DUSP8: variants seen among roughly 807,000 people sequenced by gnomAD.
DUSP8 encodes dual specificity protein phosphatase 8.
Under a neutral mutation model 38.7 loss-of-function variants are expected in DUSP8, and 15 were observed. That is an observed-to-expected ratio of 0.39 (90% confidence interval 0.26 to 0.60). The LOEUF is 0.60. Ranked by LOEUF, DUSP8 falls within the 20% of genes least tolerant of loss-of-function variation. DUSP8 has a pLI of 0.56. For synonymous variants in DUSP8, 458 were observed against 433.9 expected, an observed-to-expected ratio of 1.06 and a Z score of -0.69; for missense variants, 768 against 915.0, an observed-to-expected ratio of 0.84 and a Z score of 2.07.
At chr11:1,565,049 C>T (rs1848781241) in intron 2 of DUSP8, among the ~76,000 whole-genome samples, 1 of 152,210 alleles carries the variant, frequency 6.6e-6, no homozygotes, top group South Asian at 2.1e-4. Context: ...GAAGGACATT[C>T]CTGGGGGGCC....
intron 1 of DUSP8, among the ~76,000 whole-genome samples, chr11:1,566,512 G>A (rs1848806801): frequency 1.3e-5 from 2 of 152,188 alleles, no homozygotes. Flanking sequence ...TGGAGAGTGG[G>A]CTCCCGGGGG....
Position 1,557,605 on chromosome 11 carries a change from C to T in DUSP8, c.822-31G>A. 2.0e-6 allele frequency: 3 copies of T among 1,496,938 alleles called. No individual in the cohort carries two copies. Among genetic ancestry groups the T allele is most frequent in the Non-Finnish European group, 2.7e-6 (3 of 1,128,550 alleles). 92.7% of individuals were successfully genotyped at this position (1,496,938 alleles called of 1,614,324 possible). The stretch of plus-strand genomic sequence containing the variant: ...GGGGAGGAGGCTCAGTCCCAGGCGC[C>T]CGCCGGGGCCAGGCTGCCCACCTGA... On this transcript the variant is annotated intron_variant, in intron 6 of 6. Coordinates refer to ENST00000397374, the MANE Select transcript of DUSP8 (RefSeq NM_004420.3). The surrounding 1 kb of genome is among the most constrained non-coding windows in gnomAD (Gnocchi z 9.9).
rs1213575814 is a variant in DUSP8, at chr11:1,557,345, C to T, written c.1051G>A (p.Gly351Ser). The T allele has an allele frequency of 5.8e-6, 9 of 1,545,026 alleles. No individual in the cohort carries two copies. Among genetic ancestry groups the T allele is most frequent in the African/African-American group, 2.9e-5 (2 of 70,038 alleles). The part of the protein sequence containing the change: ...ATGNAAAREG[G>S]LSAGGEPPAP... ...GGGGGCTCCCCGCCCGCGCTCAGGC[C>T]GCCCTCCCTGGCAGCCGCATTCCCT... The change falls in exon 7 of 7, where the codon GGC (glycine) becomes AGC (serine). Residue 351 changes from glycine (G) to serine (S), a missense_variant. Physicochemically the swap from Gly to Ser is moderately conservative, Grantham distance 56. Transcript: ENST00000397374. This position sits in a 1 kb window ranked among gnomAD's most constrained non-coding sequence, Gnocchi z 9.9.
chr11:1,561,518 C>T (rs1479810249), intron 3 of DUSP8, among the ~76,000 whole-genome samples: 2 of 152,254 alleles, frequency 1.3e-5, no homozygotes, highest in Non-Finnish European at 2.9e-5. Flanking sequence ...AGGGCCAGGC[C>T]CCTCTCTCAT....
chr11:1,568,936 CT>C (rs1396260348), intron 1 of DUSP8, among the ~76,000 whole-genome samples: 1 of 152,174 alleles, frequency 6.6e-6, no homozygotes, highest in Non-Finnish European at 1.5e-5. Flanking sequence ...TCCCCAGATG[CT>C]AAGGATCGGG....
intron 1 of DUSP8, among the ~76,000 whole-genome samples, 179 bp from the exon 2 acceptor site, chr11:1,566,113 T>A (rs1168655784): frequency 6.6e-6 from 1 of 151,914 alleles, no homozygotes; most frequent in Non-Finnish European, 1.5e-5. Flanking sequence ...CTCAGCAGGA[T>A]GCAACAAGGC....
chr11:1,556,992 G>A lies in DUSP8; in HGVS notation c.1404C>T (p.Pro468=), dbSNP rs1023545484. Residue 468 remains proline (P), a synonymous_variant, in exon 7 of 7, where the codon CCC becomes CCT. Coordinates refer to ENST00000397374, the MANE Select transcript of DUSP8 (RefSeq NM_004420.3). The surrounding 1 kb of genome is among the most constrained non-coding windows in gnomAD (Gnocchi z 5.2). ...CGAAGTTCAGGCCGAGGCTGTGCGC[G>A]GGGGAGCGCGCGGGGGAGCCGGCGG... The part of the protein sequence containing the change: ...RPPAGSPARS[P]AHSLGLNFGD... 22 of 1,023,538 alleles carry A rather than the reference G, an allele frequency of 2.1e-5. No individual in the cohort carries two copies. In the South Asian group the frequency reaches 2.2e-4, roughly 10 times the overall value. The allele number at this position is 1,023,538 out of a possible 1,614,324, so 63.4% of individuals were successfully genotyped here.
rs1214120081 is a variant in DUSP8 at position 1,566,234 on chromosome 11, A to G, written c.-108-300T>C. 3.9e-5 allele frequency among the ~76,000 whole-genome samples: 6 copies of G among 152,066 alleles called. No individual in the cohort carries two copies. The East Asian group carries it at 9.7e-4, about 25-fold the overall frequency. On this transcript the variant is annotated intron_variant, in intron 1 of 6. Transcript: ENST00000397374. ...ACCCTTAGGCATTCCAGAACATTCC[A>G]TCTCATCCCTGGGACACAGGCATCT...
chr11:1,569,136 C>T (rs1012027444), intron 1 of DUSP8, among the ~76,000 whole-genome samples: 7 of 152,160 alleles, frequency 4.6e-5, no homozygotes, highest in Non-Finnish European at 2.9e-5. Context: ...TACCTGTGGC[C>T]CTGCTATTCC....
At chr11:1,561,494 G>A (rs948337814) in intron 3 of DUSP8, among the ~76,000 whole-genome samples, 5 of 152,244 alleles carry the variant, frequency 3.3e-5, no homozygotes, top group Admixed American at 6.5e-5. Flanking sequence ...GGCCGACTGC[G>A]GGCCGCTGCT....
At chr11:1,571,116 G>C (rs928530800) in intron 1 of DUSP8, among the ~76,000 whole-genome samples, 1 of 152,162 alleles carries the variant, frequency 6.6e-6, no homozygotes, top group Non-Finnish European at 1.5e-5. Flanking sequence ...CTCCCAGAAG[G>C]GGTGACCCTG....
At chr11:1,559,656 C>T (rs941293935) in intron 3 of DUSP8, among the ~76,000 whole-genome samples, 1 of 152,342 alleles carries the variant, frequency 6.6e-6, no homozygotes, top group Admixed American at 6.5e-5. Context: ...GCACAGCCCT[C>T]GGGGCATTTG....
chr11:1,560,631 G>A (rs1037300713), intron 3 of DUSP8, among the ~76,000 whole-genome samples: 1 of 152,222 alleles, frequency 6.6e-6, no homozygotes, highest in African/African-American at 2.4e-5. Context: ...TGTCACCAAC[G>A]ACGCCCCAGC....
rs1351976953 is a variant in DUSP8, at chr11:1,565,863, A to C, written c.-37T>G. 1 of 1,561,270 alleles carries C rather than the reference A, an allele frequency of 6.4e-7. No homozygotes were observed. The highest frequency in any genetic ancestry group is 1.1e-5 in the South Asian group (1 of 89,848). ...GGGTGCTGGGGAGGGTGACCCCTGAAGTGAGGAGGGGCTGCTCCGACGGCC... is the reference window on the plus strand; with the variant it reads ...GGGTGCTGGGGAGGGTGACCCCTGACGTGAGGAGGGGCTGCTCCGACGGCC... On this transcript the variant is annotated 5_prime_UTR_variant, in exon 2 of 7. Coordinates refer to ENST00000397374, the MANE Select transcript of DUSP8 (RefSeq NM_004420.3).
chr11:1,568,045 C>T (rs1848831329), intron 1 of DUSP8, among the ~76,000 whole-genome samples: 1 of 152,204 alleles, frequency 6.6e-6, no homozygotes, highest in Non-Finnish European at 1.5e-5. Flanking sequence ...AAGGGTCCAG[C>T]TCAGAGACCC....
rs1341960607 is a variant in DUSP8 at position 1,572,179 on chromosome 11, C to T, written c.-387G>A. Among the ~76,000 whole-genome samples, 1 of 142,870 alleles carries T rather than the reference C, an allele frequency of 7.0e-6. No individual in the cohort carries two copies. The highest frequency in any genetic ancestry group is 6.9e-5 in the Admixed American group (1 of 14,390). The allele number at this position is 142,870 out of a possible 152,430, so 93.7% of individuals were successfully genotyped here. A position where few individuals can be genotyped will look rare whatever the true frequency, so the allele number is the denominator to read the frequency against. On this transcript the variant is annotated 5_prime_UTR_variant, in exon 1 of 7. Transcript: ENST00000397374. The surrounding 1 kb of genome is among the most constrained non-coding windows in gnomAD (Gnocchi z 4.7). ...GCGCGGCCGGGAGGTTCCGGCGCGG[C>T]TCGGGCTCGGGCTCGGGCTCGGGCT...
chr11:1,557,380 C>A lies in DUSP8; in HGVS notation c.1016G>T (p.Ser339Ile). ...GGCAGCCGCATTCCCTGTGGCAGCG[C>A]TCTCTGAGGTAGGTGGTGGCAGCCG... ...LPRLPPPTSE[S>I]AATGNAAARE... Residue 339 changes from serine to isoleucine, a missense_variant, in exon 7 of 7, where the codon AGC becomes ATC. Ser to Ile is a moderately radical substitution (Grantham distance 142). This residue lies in a region of DUSP8 where 474 missense variants were observed against 430.8 expected (regional missense o/e 1.10). Coordinates refer to ENST00000397374, the MANE Select transcript of DUSP8 (RefSeq NM_004420.3). The surrounding 1 kb of genome is among the most constrained non-coding windows in gnomAD (Gnocchi z 9.9). The A allele has an allele frequency of 6.4e-7, 1 of 1,570,110 alleles. No individual in the cohort carries two copies. Among genetic ancestry groups the A allele is most frequent in the Non-Finnish European group, 8.6e-7 (1 of 1,169,366 alleles).
At chr11:1,560,568 A>G (rs1302433128) in intron 3 of DUSP8, among the ~76,000 whole-genome samples, 4 of 152,212 alleles carry the variant, frequency 2.6e-5, no homozygotes, top group Admixed American at 6.5e-5. Context: ...TTGGAGGAAC[A>G]GTCTCTTCTG....
chr11:1,565,192 T>C (rs1458246766), intron 2 of DUSP8, among the ~76,000 whole-genome samples: 1 of 152,174 alleles, frequency 6.6e-6, no homozygotes, highest in African/African-American at 2.4e-5. Context: ...CACACAGCTG[T>C]CCCTGTCCCG....
Sources: allele counts gnomAD v4.1 joint callset (sites outside exome capture counted in the v4.1 genomes callset), GRCh38; gene constraint gnomAD v4.1.1; regional missense constraint gnomAD v4.1.1; non-coding constraint Gnocchi (gnomAD v3.1); transcripts MANE v1.5; gene names NCBI Gene and HGNC (gene_info 2026-07-23, HGNC 2026-07-21).